DOCK2: variants seen among roughly 807,000 people sequenced by gnomAD.
DOCK2 encodes the protein dedicator of cytokinesis protein 2.
In DOCK2, 87 loss-of-function variants were observed where a neutral mutation model predicts 248.9. That is an observed-to-expected ratio of 0.35 (90% CI 0.29 to 0.42). The LOEUF (loss-of-function observed/expected upper bound fraction) is 0.42. Ranked by LOEUF, DOCK2 falls within the 10% of genes least tolerant of loss-of-function variation. The probability of loss-of-function intolerance (pLI) is 1.00; values close to 1 mark genes in which losing one functional copy is unlikely to be tolerated. For missense variants in DOCK2, 1,747 were observed against 2,300.2 expected, an observed-to-expected ratio of 0.76 and a Z score of 4.92; for synonymous variants, 805 against 821.6, an observed-to-expected ratio of 0.98 and a Z score of 0.35.
chr5:169,688,430 C>T (rs1760107270), intron 8 of DOCK2, among the ~76,000 whole-genome samples: 1 of 152,206 alleles, frequency 6.6e-6, no homozygotes, highest in South Asian at 2.1e-4. Flanking sequence ...TGAACTTTTC[C>T]TTTATACAGC....
intron 5 of DOCK2, among the ~76,000 whole-genome samples, chr5:169,673,889 C>T (rs1245459060): frequency 2.0e-5 from 3 of 152,178 alleles, no homozygotes; most frequent in South Asian, 2.1e-4. Context: ...AGGTGGTACG[C>T]GTGCCACACT....
intron 25 of DOCK2, among the ~76,000 whole-genome samples, chr5:169,766,334 G>T (rs1339248444): frequency 2.0e-5 from 3 of 152,098 alleles, no homozygotes; most frequent in Non-Finnish European, 4.4e-5. Flanking sequence ...TTGGTTTTCT[G>T]CTCCTGTGTT....
chr5:170,040,628 T>A (rs1756483806), intron 36 of DOCK2: 1 of 193,294 alleles, frequency 5.2e-6, no homozygotes, highest in Non-Finnish European at 1.2e-5. Context: ...CTGACTCTTC[T>A]GTTTATTAGC....
chr5:169,700,452 G>A (rs1403388381), intron 13 of DOCK2, among the ~76,000 whole-genome samples: 1 of 151,416 alleles, frequency 6.6e-6, no homozygotes, highest in Non-Finnish European at 1.5e-5. Flanking sequence ...ATTTATTGTG[G>A]CCATCATTTA....
chr5:169,650,105 G>A (rs2113148667), intron 1 of DOCK2, among the ~76,000 whole-genome samples: 1 of 152,148 alleles, frequency 6.6e-6, no homozygotes, highest in Admixed American at 6.5e-5. Flanking sequence ...GCAGTGCTGG[G>A]GATTTTGTCT....
At chr5:169,973,424 G>A (rs1359637103) in intron 27 of DOCK2, among the ~76,000 whole-genome samples, 2 of 152,176 alleles carry the variant, frequency 1.3e-5, no homozygotes, top group African/African-American at 4.8e-5. Context: ...TGAATACCTA[G>A]TGTGTGCCAG....
intron 1 of DOCK2, among the ~76,000 whole-genome samples, chr5:169,640,174 CT>C (rs1757073842): frequency 6.6e-6 from 1 of 152,228 alleles, no homozygotes; most frequent in Non-Finnish European, 1.5e-5. Context: ...ATAGGAGTAC[CT>C]TCTGAGACAC....
intron 33 of DOCK2, among the ~76,000 whole-genome samples, chr5:170,019,900 C>A (rs188124009): frequency 3.3e-5 from 5 of 152,208 alleles, no homozygotes. Context: ...CTCAGTTTTA[C>A]CTCTAACTGA....
chr5:169,662,275 A>G (rs1445471800), intron 2 of DOCK2, among the ~76,000 whole-genome samples: 2 of 152,120 alleles, frequency 1.3e-5, no homozygotes, highest in East Asian at 3.8e-4. Flanking sequence ...AGAAATGTCT[A>G]TTCAGTTTCT....
intron 27 of DOCK2, among the ~76,000 whole-genome samples, chr5:169,880,337 T>TA (rs1772566746): frequency 6.6e-6 from 1 of 152,220 alleles, no homozygotes; most frequent in Non-Finnish European, 1.5e-5. Flanking sequence ...TATGGTCTCT[T>TA]ACTCATTGAA....
intron 25 of DOCK2, among the ~76,000 whole-genome samples, chr5:169,767,450 T>C (rs1240875382): frequency 2.0e-5 from 3 of 152,228 alleles, no homozygotes; most frequent in Admixed American, 2.0e-4. Flanking sequence ...CTTTAACATC[T>C]CTGAGCCTCG....
At chr5:169,912,189 T>A (rs403813) in intron 27 of DOCK2, among the ~76,000 whole-genome samples, 3 of 152,188 alleles carry the variant, frequency 2.0e-5, no homozygotes, top group Non-Finnish European at 4.4e-5. Flanking sequence ...TTTTGTTTTG[T>A]CTTTCAGTTA....
At chr5:169,917,056 C>T (rs1479399229) in intron 27 of DOCK2, among the ~76,000 whole-genome samples, 1 of 152,244 alleles carries the variant, frequency 6.6e-6, no homozygotes, top group African/African-American at 2.4e-5. Flanking sequence ...ATATGCCTCT[C>T]TTACTACTCA....
chr5:170,004,132 A>G (rs1041143993), intron 30 of DOCK2, among the ~76,000 whole-genome samples: 6 of 152,378 alleles, frequency 3.9e-5, no homozygotes, highest in African/African-American at 1.4e-4. Context: ...CATAGCGTCA[A>G]TGCTATGACT....
chr5:169,644,411 G>A (rs1199270509), intron 1 of DOCK2, among the ~76,000 whole-genome samples: 2 of 152,092 alleles, frequency 1.3e-5, no homozygotes, highest in Non-Finnish European at 2.9e-5. Context: ...GGATGTATGT[G>A]TTGTAGGTCA....
intron 32 of DOCK2, among the ~76,000 whole-genome samples, chr5:170,014,643 G>T (rs1467098787): frequency 7.8e-6 from 1 of 128,828 alleles, no homozygotes; most frequent in East Asian, 2.7e-4. Context: ...GTGTTGGGGG[G>T]GGTAGACTAT....
chr5:170,032,087 C>T (rs1298950366), intron 34 of DOCK2, among the ~76,000 whole-genome samples: 18 of 150,296 alleles, frequency 1.2e-4, no homozygotes, highest in Admixed American at 1.1e-3. Flanking sequence ...AGTGCAGTGG[C>T]GCGATCTCGG....
chr5:169,994,203 G>T (rs1778278824), intron 29 of DOCK2, among the ~76,000 whole-genome samples: 2 of 152,162 alleles, frequency 1.3e-5, no homozygotes, highest in Non-Finnish European at 1.5e-5. Context: ...CTGGTGTTTA[G>T]GGGAGAGGCC....
At chr5:170,072,348 T>G (rs992046485) in intron 46 of DOCK2, among the ~76,000 whole-genome samples, 34 of 152,224 alleles carry the variant, frequency 2.2e-4, no homozygotes, top group Admixed American at 2.2e-3. Context: ...TTACACATAC[T>G]AGAGGTTTGA....
Sources: gnomAD v4.1 joint callset for allele counts (sites outside exome capture counted in the v4.1 genomes callset) on GRCh38, gnomAD v4.1.1 for gene constraint, MANE v1.5 for transcripts, NCBI Gene and HGNC (gene_info 2026-07-23, HGNC 2026-07-21) for gene names.